The following PTPN14 variants were observed in gnomAD, a reference collection of about 807,000 sequenced individuals.
PTPN14 encodes the protein tyrosine-protein phosphatase non-receptor type 14.
In PTPN14, 53 loss-of-function variants were observed where a neutral mutation model predicts 126.8. The ratio of observed to expected loss-of-function variants is 0.42; its 90% CI spans 0.34 to 0.53. The LOEUF is 0.53. Ranked by LOEUF, PTPN14 falls within the 20% of genes least tolerant of loss-of-function variation. The pLI is 0.08. For missense variants in PTPN14, 1,257 were observed against 1,552.9 expected (o/e 0.81, Z 3.20); for synonymous variants, 630 against 599.3 (o/e 1.05, Z -0.75).
chr1:214,377,964 C>T lies in PTPN14; in HGVS notation c.2683G>A (p.Glu895Lys). ...RVDATRVPMD[E>K]RFRTLKKKLE... ...TTGACAAGCCTGCCACTTACCCTCT[C>T]GTCCATGGGAACCCGGGTGGCATCA... Residue 895 changes from glutamate to lysine, a missense_variant, in exon 14 of 19, where the codon GAG becomes AAG. Physicochemically the swap from Glu to Lys is moderately conservative, Grantham distance 56. Transcript: ENST00000366956. 4 of 1,612,486 alleles carry T rather than the reference C, an allele frequency of 2.5e-6. No individual in the cohort carries two copies. Among genetic ancestry groups the T allele is most frequent in the Non-Finnish European group, 3.4e-6 (4 of 1,179,348 alleles).
At chr1:214,441,538 A>G (rs1195915379) in intron 3 of PTPN14, among the ~76,000 whole-genome samples, 1 of 152,220 alleles carries the variant, frequency 6.6e-6, no homozygotes, top group African/African-American at 2.4e-5. Context: ...AGAGCAAACA[A>G]TTATAAAACA....
chr1:214,521,750 AAAG>A (rs1333312171), intron 1 of PTPN14, among the ~76,000 whole-genome samples: 1 of 151,930 alleles, frequency 6.6e-6, no homozygotes, highest in Non-Finnish European at 1.5e-5. Context: ...CACACGAACA[AAAG>A]AACTAGAAGA....
chr1:214,498,338 T>C (rs770922089), intron 1 of PTPN14, among the ~76,000 whole-genome samples: 2 of 152,170 alleles, frequency 1.3e-5, no homozygotes, highest in African/African-American at 2.4e-5. Flanking sequence ...GGCTCTGCTA[T>C]CCCAGGTCAA....
At chr1:214,531,113 G>A (rs73079729) in intron 1 of PTPN14, 2,485 of 152,174 alleles carry the variant, frequency 0.016, 21 homozygotes, top group South Asian at 0.029. Flanking sequence ...AAAAAAATCC[G>A]AAGACTTTCA....
intron 3 of PTPN14, among the ~76,000 whole-genome samples, chr1:214,440,138 C>T (rs1660006940): frequency 1.3e-5 from 2 of 152,194 alleles, no homozygotes; most frequent in South Asian, 4.1e-4. Flanking sequence ...CATTCCAGAA[C>T]CACCTTAAGA....
At chr1:214,498,703 T>G (rs577337188) in intron 1 of PTPN14, among the ~76,000 whole-genome samples, 1 of 152,338 alleles carries the variant, frequency 6.6e-6, no homozygotes, top group South Asian at 2.1e-4. Context: ...CCACAATATA[T>G]TGCTGATAAT....
chr1:214,437,175 TTTC>T (rs1042568144), intron 3 of PTPN14, among the ~76,000 whole-genome samples: 18 of 152,208 alleles, frequency 1.2e-4, no homozygotes, highest in African/African-American at 3.6e-4. Context: ...ATTTTATTTT[TTTC>T]TTAATTTACC....
At chr1:214,509,005 G>C (rs1032325443) in intron 1 of PTPN14, among the ~76,000 whole-genome samples, 1 of 152,198 alleles carries the variant, frequency 6.6e-6, no homozygotes, top group Non-Finnish European at 1.5e-5. Context: ...AGGCTTTGTT[G>C]TTCCATTTAC....
At chr1:214,505,194 A>G (rs1218009479) in intron 1 of PTPN14, among the ~76,000 whole-genome samples, 5 of 150,898 alleles carry the variant, frequency 3.3e-5, no homozygotes, top group Admixed American at 6.6e-5. Flanking sequence ...AAAAAAAAAA[A>G]GTGTGACAGG....
chr1:214,418,464 T>C (rs1448642973), intron 3 of PTPN14, among the ~76,000 whole-genome samples: 1 of 152,246 alleles, frequency 6.6e-6, no homozygotes, highest in African/African-American at 2.4e-5. Context: ...AAGGTAATAC[T>C]GCTTCCTTAA....
intron 1 of PTPN14, among the ~76,000 whole-genome samples, chr1:214,499,005 A>T (rs1332185509): frequency 6.6e-6 from 1 of 151,996 alleles, no homozygotes; most frequent in African/African-American, 2.4e-5. Flanking sequence ...CAGTCTCACT[A>T]TGTTGTCCAG....
At chr1:214,468,736 A>C (rs547726595) in intron 1 of PTPN14, among the ~76,000 whole-genome samples, 2 of 152,142 alleles carry the variant, frequency 1.3e-5, no homozygotes, top group South Asian at 4.1e-4. Context: ...TTCATAATCA[A>C]AAGTTAAAAA....
chr1:214,549,745 A>G (rs1656059898), intron 1 of PTPN14, among the ~76,000 whole-genome samples: 1 of 151,808 alleles, frequency 6.6e-6, no homozygotes, highest in African/African-American at 2.4e-5. Context: ...ATTAAAATGT[A>G]GATGATCATA....
intron 2 of PTPN14, among the ~76,000 whole-genome samples, chr1:214,459,462 T>A (rs1371257369): frequency 2.7e-5 from 3 of 110,246 alleles, no homozygotes; most frequent in African/African-American, 7.4e-5. Flanking sequence ...TGATCCCCAC[T>A]CTTTTCTTTC....
Position 214,349,704 on chromosome 1 carries a change from T to A in PTPN14, c.*8218A>T, listed in dbSNP as rs1293686746. ...AACAAAGGACATACATAGGAACTCA[T>A]CTCTGATGAAGAGTAGCTTTATGTC... On this transcript the variant is annotated 3_prime_UTR_variant, in exon 19 of 19. Transcript: ENST00000366956. 1 of 152,192 alleles carries A rather than the reference T, an allele frequency of 6.6e-6. No individual in the cohort carries two copies. Among genetic ancestry groups the A allele is most frequent in the Non-Finnish European group, 1.5e-5 (1 of 68,042 alleles). The allele number at this position is 152,192 out of a possible 1,614,324, so 9.4% of individuals were successfully genotyped here. A position where few individuals can be genotyped will look rare whatever the true frequency, so the allele number is the denominator to read the frequency against.
intron 5 of PTPN14, among the ~76,000 whole-genome samples, chr1:214,409,178 G>A (rs114884363): frequency 0.017 from 2,610 of 152,276 alleles, 82 homozygotes; most frequent in African/African-American, 0.059. Context: ...TTGCTGTGCA[G>A]CAAATCACCA....
At chr1:214,365,802 G>C (rs1658066805) in intron 17 of PTPN14, among the ~76,000 whole-genome samples, 1 of 152,142 alleles carries the variant, frequency 6.6e-6, no homozygotes, top group Admixed American at 6.5e-5. Flanking sequence ...ATGACTAGTA[G>C]TAGTTATTAG....
chr1:214,425,290 A>C (rs942810803), intron 3 of PTPN14, among the ~76,000 whole-genome samples: 2 of 152,222 alleles, frequency 1.3e-5, no homozygotes, highest in Non-Finnish European at 2.9e-5. Flanking sequence ...GAAGTTAGCC[A>C]CCCAAATAGG....
chr1:214,485,791 T>TCTCAGCTCACTGCAAG (rs1661097065), intron 1 of PTPN14, among the ~76,000 whole-genome samples: 1 of 151,916 alleles, frequency 6.6e-6, no homozygotes, highest in Non-Finnish European at 1.5e-5. Context: ...AGTGGCGCGA[T>TCTCAGCTCACTGCAAG]CTCAGCTCAC....
Sources: gnomAD v4.1 joint callset for allele counts (sites outside exome capture counted in the v4.1 genomes callset) on GRCh38, gnomAD v4.1.1 for gene constraint, MANE v1.5 for transcripts, NCBI Gene and HGNC (gene_info 2026-07-23, HGNC 2026-07-21) for gene names.